Variants in HIGD1A observed in about 807,000 individuals in gnomAD.
HIGD1A encodes HIG1 hypoxia inducible domain family member 1A, also known as HIG1 domain family member 1A, mitochondrial.
Under a neutral mutation model 11.3 loss-of-function variants are expected in HIGD1A, and 8 were observed. The observed-to-expected ratio is 0.71, with a 90% CI of 0.42 to 1.28. The LOEUF is 1.28. Among genes scored for constraint, HIGD1A ranks in the 50% most tolerant of loss-of-function variants. The probability of loss-of-function intolerance (pLI) is 0.01; values close to 1 mark genes in which losing one functional copy is unlikely to be tolerated. For synonymous variants in HIGD1A, 32 were observed against 38.4 expected, an observed-to-expected ratio of 0.83 and a Z score of 0.62; for missense variants, 107 against 118.8, an observed-to-expected ratio of 0.90 and a Z score of 0.46.
chr3:42,787,096 C>T (rs1700361364), intron 2 of HIGD1A, among the ~76,000 whole-genome samples: 1 of 152,120 alleles, frequency 6.6e-6, no homozygotes, highest in South Asian at 2.1e-4. Context: ...TTGAAAATGA[C>T]TGGTATAATA....
chr3:42,785,549 T>A (rs1178817912), intron 3 of HIGD1A, among the ~76,000 whole-genome samples: 2 of 152,188 alleles, frequency 1.3e-5, no homozygotes, highest in Non-Finnish European at 2.9e-5. Flanking sequence ...TATGGCTACT[T>A]CACATGTTAC....
chr3:42,786,217 T>C (rs892652939), intron 2 of HIGD1A, 55 bp from the exon 3 acceptor site: 17 of 1,561,018 alleles, frequency 1.1e-5, no homozygotes, highest in Non-Finnish European at 1.4e-5. Context: ...CAAGATGACT[T>C]TACCATCAGT....
At chr3:42,792,005 A>G (rs1700426661) in intron 2 of HIGD1A, among the ~76,000 whole-genome samples, 1 of 152,224 alleles carries the variant, frequency 6.6e-6, no homozygotes, top group African/African-American at 2.4e-5. Context: ...TTGTTATAAA[A>G]AGATAATGAA....
At position 42,784,739 on chromosome 3, in the gene HIGD1A, G is replaced by T. The variant is rs1700328525; in HGVS notation, c.*532C>A. On this transcript the variant is annotated 3_prime_UTR_variant, in exon 4 of 4. Coordinates refer to ENST00000321331, the MANE Select transcript of HIGD1A (RefSeq NM_014056.4). ...ACTATTATGCAGCTCTATTGTTTAA[G>T]CTTTCTGGATTTGGTTTAAACACAT... is the stretch of plus-strand genomic sequence containing the variant. 1 of 152,724 alleles carries T rather than the reference G, an allele frequency of 6.5e-6. No homozygotes were observed. The highest frequency in any genetic ancestry group is 2.4e-5 in the African/African-American group (1 of 41,406). 9.5% of individuals were successfully genotyped at this position (152,724 alleles called of 1,614,324 possible).
chr3:42,800,367 A>C (rs927865027), intron 1 of HIGD1A, among the ~76,000 whole-genome samples: 6 of 151,924 alleles, frequency 3.9e-5, no homozygotes, highest in Non-Finnish European at 7.4e-5. Flanking sequence ...GAAAAAGAAA[A>C]AAAAAACATG....
At chr3:42,789,325 G>C (rs1324930784) in intron 2 of HIGD1A, among the ~76,000 whole-genome samples, 1 of 151,978 alleles carries the variant, frequency 6.6e-6, no homozygotes, top group Non-Finnish European at 1.5e-5. Flanking sequence ...TTATAGGTGT[G>C]AACCACTGTG....
At chr3:42,786,311 C>T (rs1700350569) in intron 2 of HIGD1A, 149 bp from the exon 3 acceptor site, 1 of 957,284 alleles carries the variant, frequency 1.0e-6, no homozygotes, top group Non-Finnish European at 1.5e-6. Context: ...TCATGTTTTC[C>T]CCTATCAAAA....
At chr3:42,790,793 T>C (rs1383011897) in intron 2 of HIGD1A, among the ~76,000 whole-genome samples, 1 of 152,196 alleles carries the variant, frequency 6.6e-6, no homozygotes, top group Non-Finnish European at 1.5e-5. Context: ...CAAGCCAGTT[T>C]CTTTTTCTTT....
intron 2 of HIGD1A, among the ~76,000 whole-genome samples, chr3:42,793,935 A>T (rs1700460525): frequency 1.3e-5 from 2 of 152,310 alleles, no homozygotes; most frequent in South Asian, 4.1e-4. Context: ...TGATCAAGCC[A>T]CTGCACTTCA....
At chr3:42,790,450 T>C (rs1290253914) in intron 2 of HIGD1A, among the ~76,000 whole-genome samples, 1 of 152,198 alleles carries the variant, frequency 6.6e-6, no homozygotes, top group Non-Finnish European at 1.5e-5. Flanking sequence ...CAAGAATTGC[T>C]TGAACCCGGG....
intron 2 of HIGD1A, among the ~76,000 whole-genome samples, chr3:42,791,715 G>A (rs1221378509): frequency 6.6e-6 from 1 of 152,200 alleles, no homozygotes; most frequent in Non-Finnish European, 1.5e-5. Flanking sequence ...GAAGGGATAT[G>A]TATAAATGAC....
chr3:42,791,051 T>C (rs1700416361), intron 2 of HIGD1A, among the ~76,000 whole-genome samples: 1 of 152,246 alleles, frequency 6.6e-6, no homozygotes. Flanking sequence ...ACTAAGTTTC[T>C]GGCAGACAGA....
chr3:42,790,528 G>T (rs189932241), intron 2 of HIGD1A, among the ~76,000 whole-genome samples: 1 of 152,216 alleles, frequency 6.6e-6, no homozygotes, highest in African/African-American at 2.4e-5. Context: ...GCAAGACTCC[G>T]TCTCGAAAGA....
intron 2 of HIGD1A, among the ~76,000 whole-genome samples, 199 bp downstream of exon 2, chr3:42,793,958 G>A (rs1174578805): frequency 6.6e-6 from 1 of 151,978 alleles, no homozygotes; most frequent in East Asian, 1.9e-4. Flanking sequence ...CTAGGTGAAA[G>A]AGACCCTGTC....
In HIGD1A at chr3:42,785,312, A is replaced by G. The variant is rs766515663; in HGVS notation, c.241T>C (p.Tyr81His). The G allele has an allele frequency of 1.2e-6, 2 of 1,609,646 alleles. No individual in the cohort carries two copies. The highest frequency in any genetic ancestry group is 2.2e-5 in the East Asian group (1 of 44,856). Residue 81 changes from tyrosine to histidine, a missense_variant, in exon 4 of 4, where the codon TAT becomes CAT. Physicochemically the swap from Tyr to His is moderately conservative, Grantham distance 83. Transcript: ENST00000321331. Reference sequence around the variant, plus strand: ...GCCCAGAATTCCCGATACATGGAATAGCCCATACCTAAAGAAAAAGAATGC... The same window carrying G: ...GCCCAGAATTCCCGATACATGGAATGGCCCATACCTAAAGAAAAAGAATGC... ...VVGAMTVGMGYSMYREFWAKP... is the reference protein window; with the variant it reads ...VVGAMTVGMGHSMYREFWAKP...
In HIGD1A at chr3:42,787,594, A is replaced by AATATAT. The variant is rs1163603645; in HGVS notation, c.98-1438_98-1433dup. ...CGACAGAGCGAGACTCCATCTCAAA[A>AATATAT]ATATATATATATATATATATATATA... is the stretch of plus-strand genomic sequence containing the variant. On this transcript the variant is annotated intron_variant, in intron 2 of 3. Coordinates refer to ENST00000321331, the MANE Select transcript of HIGD1A (RefSeq NM_014056.4). Among the ~76,000 whole-genome samples the AATATAT allele has an allele frequency of 8.1e-4, 114 of 141,242 alleles. 2 individuals carry two copies. The highest frequency in any genetic ancestry group is 2.8e-3 in the African/African-American group (109 of 38,266). The allele number at this position is 141,242 out of a possible 152,430, so 92.7% of individuals were successfully genotyped here.
chr3:42,786,468 G>A (rs193022992), intron 2 of HIGD1A, among the ~76,000 whole-genome samples: 1 of 152,282 alleles, frequency 6.6e-6, no homozygotes, highest in African/African-American at 2.4e-5. Context: ...GAACGAAAGT[G>A]TGCCAAAGGT....
In HIGD1A at chr3:42,804,069, G is replaced by C. The variant is rs954176568; in HGVS notation, c.-23+367C>G. On this transcript the variant is annotated intron_variant, in intron 1 of 3. Coordinates refer to ENST00000321331, the MANE Select transcript of HIGD1A (RefSeq NM_014056.4). ...TCAGAATGTTCCAAGCTCCGGGGAAGCTCCCGCTCCTCGCTCCCCGCCGTC... is the reference window on the plus strand; with the variant it reads ...TCAGAATGTTCCAAGCTCCGGGGAACCTCCCGCTCCTCGCTCCCCGCCGTC... 8.1e-6 allele frequency: 10 copies of C among 1,236,332 alleles called. No individual in the cohort carries two copies. In the Admixed American group the frequency reaches 2.1e-4, roughly 26 times the overall value. The allele number at this position is 1,236,332 out of a possible 1,614,324, so 76.6% of individuals were successfully genotyped here.
chr3:42,793,841 G>C (rs1482865061), intron 2 of HIGD1A, among the ~76,000 whole-genome samples: 2 of 152,130 alleles, frequency 1.3e-5, no homozygotes, highest in African/African-American at 2.4e-5. Flanking sequence ...GCGTGGTGGT[G>C]CACACCTGTG....
Sources: gnomAD v4.1 joint callset for allele counts (sites outside exome capture counted in the v4.1 genomes callset) on GRCh38, gnomAD v4.1.1 for gene constraint, MANE v1.5 for transcripts, NCBI Gene and HGNC (gene_info 2026-07-23, HGNC 2026-07-21) for gene names.